DSCAM: variants seen among roughly 807,000 people sequenced by gnomAD.
DSCAM encodes cell adhesion molecule DSCAM.
In DSCAM, 47 loss-of-function variants were observed where a neutral mutation model predicts 217.7. The ratio of observed to expected loss-of-function variants is 0.22; its 90% confidence interval spans 0.17 to 0.28. The LOEUF (loss-of-function observed/expected upper bound fraction) is 0.28. DSCAM is among the 10% of genes least tolerant of loss of function. The pLI, the probability that DSCAM is intolerant of heterozygous loss-of-function variation, is 1.00. For synonymous variants in DSCAM, 1,056 were observed against 1,015.3 expected, an observed-to-expected ratio of 1.04 and a Z score of -0.76; for missense variants, 2,080 against 2,618.3, an observed-to-expected ratio of 0.79 and a Z score of 4.49.
At chr21:40,843,718 A>G (rs2092121421) in intron 1 of DSCAM, among the ~76,000 whole-genome samples, 1 of 151,596 alleles carries the variant, frequency 6.6e-6, no homozygotes, top group African/African-American at 2.4e-5. Context: ...TTAAAACACG[A>G]TACTGCACCT....
At chr21:40,608,582 C>T (rs572961364) in intron 3 of DSCAM, among the ~76,000 whole-genome samples, 1 of 152,210 alleles carries the variant, frequency 6.6e-6, no homozygotes, top group South Asian at 2.1e-4. Flanking sequence ...TTTTAGTGTG[C>T]TTGTATGCGT....
At chr21:40,724,074 T>C (rs529975539) in intron 1 of DSCAM, among the ~76,000 whole-genome samples, 1 of 152,360 alleles carries the variant, frequency 6.6e-6, no homozygotes, top group African/African-American at 2.4e-5. Flanking sequence ...TTGGATGGAT[T>C]AAAGTCACTC....
chr21:40,099,846 C>T (rs182041909), intron 20 of DSCAM, among the ~76,000 whole-genome samples: 1 of 152,212 alleles, frequency 6.6e-6, no homozygotes, highest in African/African-American at 2.4e-5. Flanking sequence ...AGTATTCCCT[C>T]TTATGGGTGG....
At chr21:40,432,617 C>G (rs2075545446) in intron 3 of DSCAM, among the ~76,000 whole-genome samples, 2 of 152,156 alleles carry the variant, frequency 1.3e-5, no homozygotes, top group South Asian at 4.1e-4. Context: ...CATTATTCAG[C>G]CTATCATATA....
chr21:40,072,386 A>C (rs986709657), intron 27 of DSCAM, among the ~76,000 whole-genome samples: 2 of 146,650 alleles, frequency 1.4e-5, no homozygotes, highest in African/African-American at 5.2e-5. Flanking sequence ...TCGCTCTGTC[A>C]CCCAGGCTGG....
intron 1 of DSCAM, among the ~76,000 whole-genome samples, chr21:40,783,905 A>C (rs1054932302): frequency 2.0e-5 from 3 of 152,272 alleles, no homozygotes. Context: ...CTTCACATAC[A>C]GACCTTTAAA....
chr21:40,799,908 T>C (rs2091724476), intron 1 of DSCAM, among the ~76,000 whole-genome samples: 1 of 152,228 alleles, frequency 6.6e-6, no homozygotes, highest in Non-Finnish European at 1.5e-5. Flanking sequence ...TGCTTTGGTT[T>C]GAATGTTTGT....
chr21:40,185,059 G>C (rs1332616191), intron 14 of DSCAM, among the ~76,000 whole-genome samples: 1 of 152,216 alleles, frequency 6.6e-6, no homozygotes, highest in African/African-American at 2.4e-5. Flanking sequence ...GGTGAAAATA[G>C]ACCTACTAGG....
intron 1 of DSCAM, among the ~76,000 whole-genome samples, chr21:40,722,189 G>T (rs553975600): frequency 1.3e-5 from 2 of 152,200 alleles, no homozygotes; most frequent in East Asian, 1.9e-4. Context: ...AGGAAGAAAA[G>T]AAATAATATC....
intron 32 of DSCAM, among the ~76,000 whole-genome samples, chr21:40,030,351 C>T (rs560742741): frequency 2.0e-5 from 3 of 152,076 alleles, no homozygotes; most frequent in African/African-American, 4.8e-5. Context: ...GTATCGTTCC[C>T]GACTGTGGTG....
chr21:40,807,845 T>A (rs2091801893), intron 1 of DSCAM, among the ~76,000 whole-genome samples: 1 of 152,156 alleles, frequency 6.6e-6, no homozygotes, highest in African/African-American at 2.4e-5. Flanking sequence ...GAGGGGTATT[T>A]TTACATATTA....
At chr21:40,556,111 C>G (rs1407626273) in intron 3 of DSCAM, among the ~76,000 whole-genome samples, 1 of 152,156 alleles carries the variant, frequency 6.6e-6, no homozygotes, top group East Asian at 1.9e-4. Context: ...TACCTCCAAA[C>G]CAAATCACTA....
At chr21:40,347,060 G>C (rs1285559649) in intron 6 of DSCAM, among the ~76,000 whole-genome samples, 1 of 152,052 alleles carries the variant, frequency 6.6e-6, no homozygotes, top group Admixed American at 6.6e-5. Context: ...CAGCACTTTG[G>C]GGGGCCGAGG....
intron 3 of DSCAM, among the ~76,000 whole-genome samples, chr21:40,578,611 A>G (rs765359989): frequency 1.1e-4 from 17 of 152,176 alleles, no homozygotes; most frequent in Middle Eastern, 3.2e-3. Flanking sequence ...CCCCTTTTGC[A>G]CTGTGGTACC....
At chr21:40,419,106 G>C (rs572781247) in intron 3 of DSCAM, among the ~76,000 whole-genome samples, 1 of 151,464 alleles carries the variant, frequency 6.6e-6, no homozygotes, top group South Asian at 2.1e-4. Context: ...GAGTAGCTGG[G>C]ACTACAGGTG....
intron 3 of DSCAM, among the ~76,000 whole-genome samples, chr21:40,610,561 T>G (rs1005351500): frequency 6.6e-6 from 1 of 152,172 alleles, no homozygotes; most frequent in African/African-American, 2.4e-5. Flanking sequence ...GTGCTTGAAT[T>G]TGGCACTTCT....
chr21:40,744,974 C>T (rs1322547111), intron 1 of DSCAM, among the ~76,000 whole-genome samples: 1 of 151,822 alleles, frequency 6.6e-6, no homozygotes, highest in Admixed American at 6.6e-5. Context: ...TTTAAAAATC[C>T]AAATAGAAAT....
At chr21:40,794,843 A>C (rs2210272) in intron 1 of DSCAM, among the ~76,000 whole-genome samples, 69,839 of 146,906 alleles carry the variant, frequency 0.48, 17,943 homozygotes, top group South Asian at 0.67. Flanking sequence ...TGCCTGTCCA[A>C]AATTGCCTGG....
chr21:40,724,931 G>A (rs780980284), intron 1 of DSCAM, among the ~76,000 whole-genome samples: 22 of 152,078 alleles, frequency 1.4e-4, no homozygotes, highest in Non-Finnish European at 2.1e-4. Flanking sequence ...TTCATGTAAC[G>A]CACAGGTTTA....
Sources: allele counts gnomAD v4.1 joint callset (sites outside exome capture counted in the v4.1 genomes callset), GRCh38; gene constraint gnomAD v4.1.1; transcripts MANE v1.5; gene names NCBI Gene and HGNC (gene_info 2026-07-23, HGNC 2026-07-21).